SAMD5: variants seen among roughly 807,000 people sequenced by gnomAD.
SAMD5 encodes the protein sterile alpha motif domain-containing protein 5.
SAMD5 carries 13 observed loss-of-function variants against 11.3 expected under a neutral mutation model. The observed-to-expected ratio is 1.15, with a 90% CI of 0.75 to 1.83. The LOEUF is 1.83. Ranked by LOEUF, SAMD5 falls within the 40% of genes most tolerant of loss-of-function variation. The pLI is 0.00. For missense variants in SAMD5, 255 were observed against 239.1 expected, an observed-to-expected ratio of 1.07 and a Z score of -0.44; for synonymous variants, 129 against 111.3, an observed-to-expected ratio of 1.16 and a Z score of -1.00.
At chr6:147,921,323 C>G in the SAMD5 span, among the ~76,000 whole-genome samples, 1 of 118,992 alleles carries the variant, frequency 8.4e-6, no homozygotes, top group Non-Finnish European at 1.7e-5. Flanking sequence ...ACTTCAAAAC[C>G]AGAAGAAGAA....
chr6:147,944,813 C>A, the SAMD5 span, among the ~76,000 whole-genome samples: 3 of 152,206 alleles, frequency 2.0e-5, no homozygotes, highest in Admixed American at 2.0e-4. Flanking sequence ...AGGGTTGACT[C>A]CTTCTGAGCA....
chr6:147,666,892 CT>C (rs1030936798), intron 1 of SAMD5, among the ~76,000 whole-genome samples: 6 of 152,166 alleles, frequency 3.9e-5, no homozygotes, highest in African/African-American at 1.4e-4. Context: ...TCCCCTGGCC[CT>C]TTCCCTATCC....
the SAMD5 span, among the ~76,000 whole-genome samples, chr6:147,760,840 T>G: frequency 1.3e-5 from 2 of 152,200 alleles, no homozygotes; most frequent in African/African-American, 4.8e-5. Flanking sequence ...CTCTTTTCAA[T>G]TAGAATTTGT....
chr6:147,892,653 T>C, the SAMD5 span, among the ~76,000 whole-genome samples: 1 of 152,118 alleles, frequency 6.6e-6, no homozygotes, highest in South Asian at 2.1e-4. Flanking sequence ...CAGTTGCTAA[T>C]TAACTAAAAA....
chr6:147,608,431 A>G lies in SAMD5; in HGVS notation c.162+99044A>G, dbSNP rs150498856. Among the ~76,000 whole-genome samples the G allele has an allele frequency of 1.1e-3, 161 of 152,366 alleles. 2 individuals are homozygous for G. The highest frequency in any genetic ancestry group is 3.7e-3 in the African/African-American group (154 of 41,582). ...ATGAACAGATAAGAAAATGTGGTAC[A>G]TATACACAATGGAGTACTATTCAGC... On this transcript the variant is annotated intron_variant, in intron 1 of 1. Coordinates refer to the SAMD5 transcript ENST00000566741.
At chr6:147,719,753 G>A (rs1791520756) in intron 1 of SAMD5, among the ~76,000 whole-genome samples, 1 of 152,182 alleles carries the variant, frequency 6.6e-6, no homozygotes, top group South Asian at 2.1e-4. Flanking sequence ...GGACAAAGGT[G>A]AAGACAGATT....
chr6:147,523,240 AAAC>A (rs1788281769), intron 1 of SAMD5, among the ~76,000 whole-genome samples: 1 of 152,222 alleles, frequency 6.6e-6, no homozygotes, highest in African/African-American at 2.4e-5. Flanking sequence ...CTTTGCATAG[AAAC>A]AACAACTCAA....
chr6:147,699,593 A>G (rs1432435332), intron 1 of SAMD5, among the ~76,000 whole-genome samples: 1 of 152,216 alleles, frequency 6.6e-6, no homozygotes, highest in African/African-American at 2.4e-5. Flanking sequence ...TCATTTAACT[A>G]AGAGTCCTGA....
intron 1 of SAMD5, among the ~76,000 whole-genome samples, chr6:147,589,174 G>A (rs944085227): frequency 5.3e-5 from 8 of 152,042 alleles, no homozygotes; most frequent in African/African-American, 1.9e-4. Context: ...GCCAAGGCTG[G>A]TCTCAAACTC....
chr6:147,611,230 C>T (rs1000566905), intron 1 of SAMD5, among the ~76,000 whole-genome samples: 1 of 152,042 alleles, frequency 6.6e-6, no homozygotes, highest in Non-Finnish European at 1.5e-5. Flanking sequence ...CATACAAACC[C>T]TTAGATGGAA....
At chr6:147,637,635 T>C (rs762697627) in intron 1 of SAMD5, among the ~76,000 whole-genome samples, 5 of 152,168 alleles carry the variant, frequency 3.3e-5, no homozygotes, top group Non-Finnish European at 7.3e-5. Flanking sequence ...ACCTTTTCAT[T>C]TTGAGAAAGG....
the SAMD5 span, among the ~76,000 whole-genome samples, chr6:147,836,008 T>C: frequency 1.3e-5 from 2 of 152,228 alleles, no homozygotes; most frequent in African/African-American, 4.8e-5. Flanking sequence ...TGATTACCTG[T>C]GTGAACAAGG....
chr6:147,922,731 G>A, the SAMD5 span, among the ~76,000 whole-genome samples: 2 of 152,248 alleles, frequency 1.3e-5, no homozygotes, highest in Middle Eastern at 6.8e-3. Context: ...TCCAAGGGGT[G>A]TAGTTAATTT....
intron 1 of SAMD5, chr6:147,730,035 A>G (rs1306525523): frequency 2.4e-6 from 1 of 418,726 alleles, no homozygotes; most frequent in African/African-American, 2.1e-5. Context: ...CAGTGAGCCA[A>G]GATCATGCCA....
At chr6:147,725,660 A>G (rs915256556) in intron 1 of SAMD5, among the ~76,000 whole-genome samples, 13 of 152,302 alleles carry the variant, frequency 8.5e-5, no homozygotes, top group Admixed American at 4.6e-4. Flanking sequence ...AAGTTCTGGG[A>G]TTACAGGCAT....
chr6:147,918,233 T>C, the SAMD5 span, among the ~76,000 whole-genome samples: 2 of 152,206 alleles, frequency 1.3e-5, no homozygotes, highest in Admixed American at 1.3e-4. Flanking sequence ...TCCTCTTTTA[T>C]TTCATTGAGC....
intron 1 of SAMD5, among the ~76,000 whole-genome samples, chr6:147,614,720 T>A (rs932996418): frequency 1.3e-5 from 2 of 151,890 alleles, no homozygotes; most frequent in Admixed American, 1.3e-4. Flanking sequence ...CCAAGAGAAC[T>A]TTCTGGAATG....
At chr6:147,783,379 A>ATT in the SAMD5 span, among the ~76,000 whole-genome samples, 2 of 110,924 alleles carry the variant, frequency 1.8e-5, no homozygotes, top group African/African-American at 6.2e-5. Context: ...TTGAAAATAC[A>ATT]TTTTTTTTTT....
chr6:147,617,108 TTTG>T (rs912327089), intron 1 of SAMD5, among the ~76,000 whole-genome samples: 1 of 152,176 alleles, frequency 6.6e-6, no homozygotes. Context: ...TCTCTCTTTC[TTTG>T]TTATGTGAGG....
Sources: allele counts gnomAD v4.1 joint callset (sites outside exome capture counted in the v4.1 genomes callset), GRCh38; gene constraint gnomAD v4.1.1; transcripts MANE v1.5; gene names NCBI Gene and HGNC (gene_info 2026-07-23, HGNC 2026-07-21).